CACNA2D2: variants seen among roughly 807,000 people sequenced by gnomAD.
CACNA2D2 encodes voltage-dependent calcium channel subunit alpha-2/delta-2.
In CACNA2D2, 48 loss-of-function variants were observed where a neutral mutation model predicts 166.4. The ratio of observed to expected loss-of-function variants is 0.29; its 90% CI spans 0.23 to 0.37. The LOEUF (loss-of-function observed/expected upper bound fraction) is 0.37. Among genes scored for constraint, CACNA2D2 ranks in the 10% least tolerant of loss-of-function variants. The pLI, the probability that CACNA2D2 is intolerant of heterozygous loss-of-function variation, is 1.00. For missense variants in CACNA2D2, 1,122 were observed against 1,433.0 expected, an observed-to-expected ratio of 0.78 and a Z score of 3.50; for synonymous variants, 561 against 573.7, an observed-to-expected ratio of 0.98 and a Z score of 0.32.
intron 15 of CACNA2D2, 44 bp downstream of exon 15, chr3:50,377,964 G>A: frequency 6.3e-7 from 1 of 1,581,126 alleles, no homozygotes; most frequent in South Asian, 1.1e-5. Flanking sequence ...ACATCTCCGG[G>A]GGAAGGGTGC....
Position 50,380,118 on chromosome 3 carries a change from T to G in CACNA2D2, c.843-100A>C, listed in dbSNP as rs867474807. 2 of 1,229,482 alleles carry G rather than the reference T, an allele frequency of 1.6e-6. No individual in the cohort carries two copies. Among genetic ancestry groups the G allele is most frequent in the African/African-American group, 1.5e-5 (1 of 67,388 alleles). 76.2% of individuals were successfully genotyped at this position (1,229,482 alleles called of 1,614,324 possible). Reference sequence around the variant, plus strand: ...TGATTCAATACATTTCTCTTGAGCATGCACTGTGTGGGCCAGGCAGGGTTC... The same window carrying G: ...TGATTCAATACATTTCTCTTGAGCAGGCACTGTGTGGGCCAGGCAGGGTTC... On this transcript the variant is annotated intron_variant, in intron 8 of 37. Transcript: ENST00000424201. The surrounding 1 kb of genome is among the most constrained non-coding windows in gnomAD (Gnocchi z 4.9).
chr3:50,425,263 C>G (rs1459175721), intron 3 of CACNA2D2, among the ~76,000 whole-genome samples: 1 of 152,218 alleles, frequency 6.6e-6, no homozygotes, highest in African/African-American at 2.4e-5. Context: ...GCAGATTCAG[C>G]CTGAGTCAGT....
chr3:50,394,187 G>A lies in CACNA2D2; in HGVS notation c.406-19C>T, dbSNP rs1443887107. The A allele has an allele frequency of 6.2e-7, 1 of 1,612,844 alleles. No individual in the cohort carries two copies. Among genetic ancestry groups the A allele is most frequent in the Admixed American group, 1.7e-5 (1 of 60,000 alleles). ...CCAGTCTCTGAGGGACAGAGCACAGGGAGGTCAGAAGCGGAGGAAGGCAGC... is the reference window on the plus strand; with the variant it reads ...CCAGTCTCTGAGGGACAGAGCACAGAGAGGTCAGAAGCGGAGGAAGGCAGC... On this transcript the variant is annotated intron_variant, in intron 3 of 37. Transcript: ENST00000424201.
intron 14 of CACNA2D2, 37 bp from the exon 15 acceptor site, chr3:50,378,134 T>C (rs1215176482): frequency 6.3e-7 from 1 of 1,590,364 alleles, no homozygotes; most frequent in Non-Finnish European, 8.6e-7. Flanking sequence ...ATGAGTGCCT[T>C]TCCCAGGCAC....
rs771503629 is a variant in CACNA2D2 at position 50,387,598 on chromosome 3, C to T, written c.480G>A (p.Val160=). 5.0e-6 allele frequency: 8 copies of T among 1,613,624 alleles called. No homozygotes were observed. The East Asian group carries it at 1.1e-4, about 22-fold the overall frequency. The change falls in exon 5 of 38, where the codon GTG becomes GTA. Residue 160 remains valine (V), a synonymous_variant. Transcript: ENST00000424201. ...CAGCGTCAGCCTTGGCGTCATAGTACACGATGTCTTCCTCCTGGTGAGGGG... is the reference window on the plus strand; with the variant it reads ...CAGCGTCAGCCTTGGCGTCATAGTATACGATGTCTTCCTCCTGGTGAGGGG... ...WQDNIKEEDI[V]YYDAKADAEL...
In CACNA2D2 at chr3:50,384,341, C is replaced by T; in HGVS notation, c.511-4G>A. 1.2e-6 allele frequency: 2 copies of T among 1,613,302 alleles called. No homozygotes were observed. Among genetic ancestry groups the T allele is most frequent in the Non-Finnish European group, 1.7e-6 (2 of 1,179,574 alleles). On this transcript the variant is annotated splice_polypyrimidine_tract_variant and splice_region_variant and intron_variant, in intron 5 of 37. Transcript: ENST00000424201. ...CATCCTCACTCTCAGGGTCGTCCTG[C>T]AGAAAGGGCACCCCCGAGCAATGTC...
intron 2 of CACNA2D2, among the ~76,000 whole-genome samples, chr3:50,434,892 C>T (rs1042117650): frequency 1.3e-5 from 2 of 152,248 alleles, no homozygotes; most frequent in Non-Finnish European, 2.9e-5. Flanking sequence ...TGGGCACACA[C>T]ACAGCCATGC....
chr3:50,494,344 C>T (rs1184619276), intron 1 of CACNA2D2, among the ~76,000 whole-genome samples: 1 of 152,048 alleles, frequency 6.6e-6, no homozygotes, highest in Non-Finnish European at 1.5e-5. Flanking sequence ...GCGTTTTAGG[C>T]GGGGCCAGCA....
chr3:50,460,878 C>T (rs1223224536), intron 2 of CACNA2D2, among the ~76,000 whole-genome samples: 6 of 151,530 alleles, frequency 4.0e-5, no homozygotes, highest in Admixed American at 2.0e-4. Context: ...AAAAAAAGTT[C>T]CAAAAGACAT....
chr3:50,449,833 C>G (rs577293320), intron 2 of CACNA2D2, among the ~76,000 whole-genome samples: 2 of 152,292 alleles, frequency 1.3e-5, no homozygotes, highest in South Asian at 2.1e-4. Flanking sequence ...AGCCCGGGCC[C>G]TAGGGACTGA....
intron 3 of CACNA2D2, among the ~76,000 whole-genome samples, chr3:50,430,811 C>T (rs1024918851): frequency 3.9e-5 from 6 of 152,086 alleles, no homozygotes; most frequent in South Asian, 2.1e-4. Flanking sequence ...AGTTCAGAGG[C>T]CCCCATCTCC....
rs587694828 is a variant in CACNA2D2, at chr3:50,385,339, C to T, written c.511-1002G>A. ...ATCATAAGCAGCTGAACACCCCATACGCTCCCTCACTGCCCCTCAAAGCCT... is the reference window on the plus strand; with the variant it reads ...ATCATAAGCAGCTGAACACCCCATATGCTCCCTCACTGCCCCTCAAAGCCT... On this transcript the variant is annotated intron_variant, in intron 5 of 37. Transcript: ENST00000424201. Among the ~76,000 whole-genome samples the T allele has an allele frequency of 3.9e-5, 6 of 152,266 alleles. No individual in the cohort carries two copies. The South Asian group carries it at 6.2e-4, about 16-fold the overall frequency.
At chr3:50,364,843 G>C in intron 37 of CACNA2D2, 37 bp from the exon 38 acceptor site, 1 of 1,613,138 alleles carries the variant, frequency 6.2e-7, no homozygotes, top group South Asian at 1.1e-5. Flanking sequence ...GGCCTGGGCG[G>C]GCGCAAGGCC....
intron 1 of CACNA2D2, among the ~76,000 whole-genome samples, chr3:50,499,439 C>T (rs1317272202): frequency 6.6e-6 from 1 of 152,188 alleles, no homozygotes; most frequent in African/African-American, 2.4e-5. Context: ...CCACTAGAGG[C>T]GGCATCCTCT....
At chr3:50,384,392 T>G in intron 5 of CACNA2D2, 55 bp from the exon 6 acceptor site, 2 of 1,595,492 alleles carry the variant, frequency 1.3e-6, no homozygotes, top group Non-Finnish European at 1.7e-6. Flanking sequence ...TGAATTGGGT[T>G]GTAGAGGCCT....
At chr3:50,394,467 C>T (rs376596045) in intron 3 of CACNA2D2, among the ~76,000 whole-genome samples, 10 of 152,334 alleles carry the variant, frequency 6.6e-5, no homozygotes, top group South Asian at 2.1e-4. Context: ...TCTCTACCCC[C>T]GACACACTTG....
At chr3:50,372,695 A>G (rs1413256778) in intron 22 of CACNA2D2, among the ~76,000 whole-genome samples, 1 of 152,148 alleles carries the variant, frequency 6.6e-6, no homozygotes, top group Non-Finnish European at 1.5e-5. Flanking sequence ...TCAGGCCTCC[A>G]GCCCTGCTGA....
chr3:50,365,960 C>A lies in CACNA2D2; in HGVS notation c.2862+51G>T, dbSNP rs773435937. The A allele has an allele frequency of 1.9e-6, 3 of 1,610,264 alleles. No individual in the cohort carries two copies. The South Asian group carries it at 3.3e-5, about 18-fold the overall frequency. The stretch of plus-strand genomic sequence containing the variant: ...TCAGAGGTAGGGGGTCATCTGTGGG[C>A]AGGTCTCCCAGTCCCCCCCATCTCC... On this transcript the variant is annotated intron_variant, in intron 32 of 37. Coordinates refer to ENST00000424201, the MANE Select transcript of CACNA2D2 (RefSeq NM_006030.4). This position sits in a 1 kb window ranked among gnomAD's most constrained non-coding sequence, Gnocchi z 4.5.
chr3:50,451,662 T>TC (rs1376897158), intron 2 of CACNA2D2, among the ~76,000 whole-genome samples: 1 of 152,150 alleles, frequency 6.6e-6, no homozygotes, highest in Admixed American at 6.5e-5. Context: ...AGCCCATGTC[T>TC]CCCATTTCCT....
Sources: gnomAD v4.1 joint callset for allele counts (sites outside exome capture counted in the v4.1 genomes callset) on GRCh38, gnomAD v4.1.1 for gene constraint, Gnocchi (gnomAD v3.1) non-coding constraint, MANE v1.5 for transcripts, NCBI Gene and HGNC (gene_info 2026-07-23, HGNC 2026-07-21) for gene names.